The following EPHX3 variants were observed in gnomAD, a reference collection of about 807,000 sequenced individuals.
The protein encoded by EPHX3 is abhydrolase domain containing 9.
Under a neutral mutation model 40.2 loss-of-function variants are expected in EPHX3, and 39 were observed. That is an observed-to-expected ratio of 0.97 (90% CI 0.75 to 1.27). EPHX3 has a LOEUF of 1.27. EPHX3 is among the 50% of genes most tolerant of loss of function. The pLI, the probability that EPHX3 is intolerant of heterozygous loss-of-function variation, is 0.00. For missense variants in EPHX3, 442 were observed against 474.0 expected (o/e 0.93, Z 0.63); for synonymous variants, 213 against 209.7 (o/e 1.02, Z -0.14).
At chr19:15,231,926 C>A in intron 1 of EPHX3, 43 bp downstream of exon 1, 1 of 1,612,646 alleles carries the variant, frequency 6.2e-7, no homozygotes, top group Non-Finnish European at 8.5e-7. Flanking sequence ...CCGTCTCGAC[C>A]CCACGCGACC....
rs2047118578 is a variant in EPHX3 at position 15,227,273 on chromosome 19, G to A, written c.*164C>T. Reference sequence around the variant, plus strand: ...AGTATAGGGGTTGGTGTGTCCCGAGGCACCCATAGGTGCGCTTGTGTGGGA... The same window carrying A: ...AGTATAGGGGTTGGTGTGTCCCGAGACACCCATAGGTGCGCTTGTGTGGGA... On this transcript the variant is annotated 3_prime_UTR_variant, in exon 7 of 7. Transcript: ENST00000221730. 1 of 629,030 alleles carries A rather than the reference G, an allele frequency of 1.6e-6. No individual in the cohort carries two copies. The highest frequency in any genetic ancestry group is 2.8e-6 in the Non-Finnish European group (1 of 354,126). The allele number at this position is 629,030 out of a possible 1,614,324, so 39.0% of individuals were successfully genotyped here.
chr19:15,231,771 C>G lies in EPHX3; in HGVS notation c.329+5G>C, dbSNP rs757323249. On this transcript the variant is annotated splice_donor_5th_base_variant and intron_variant, in intron 2 of 6. Coordinates refer to ENST00000221730, the MANE Select transcript of EPHX3 (RefSeq NM_024794.3). ...TGGGCCTCAGGCCCCTGGCCCCAGACGTACCAGTTCTCAGGGAAGCCGTGC... is the reference window on the plus strand; with the variant it reads ...TGGGCCTCAGGCCCCTGGCCCCAGAGGTACCAGTTCTCAGGGAAGCCGTGC... The G allele has an allele frequency of 1.2e-6, 2 of 1,613,828 alleles. No homozygotes were observed. The highest frequency in any genetic ancestry group is 1.7e-6 in the Non-Finnish European group (2 of 1,179,966).
Position 15,232,245 on chromosome 19 carries a change from G to C in EPHX3, c.-34C>G, listed in dbSNP as rs776104614. On this transcript the variant is annotated 5_prime_UTR_variant, in exon 1 of 7. Transcript: ENST00000221730. ...GCTCCGGGACCACGGCGGCGCTGCC[G>C]GCCAGGGGCACCTGCAGCAGCGGCG... 1 of 1,453,296 alleles carries C rather than the reference G, an allele frequency of 6.9e-7. No individual in the cohort carries two copies. The highest frequency in any genetic ancestry group is 9.0e-7 in the Non-Finnish European group (1 of 1,115,214). 90.0% of individuals were successfully genotyped at this position (1,453,296 alleles called of 1,614,324 possible).
chr19:15,235,088 G>T (rs967760099), upstream of EPHX3, among the ~76,000 whole-genome samples: 4 of 147,798 alleles, frequency 2.7e-5, no homozygotes, highest in Non-Finnish European at 6.0e-5. Flanking sequence ...CGCAACCTCC[G>T]CCTCCAGTGT....
intron 1 of EPHX3, 35 bp from the exon 2 acceptor site, chr19:15,231,896 C>T: frequency 6.2e-7 from 1 of 1,613,006 alleles, no homozygotes; most frequent in Non-Finnish European, 8.5e-7. Flanking sequence ...CCTGGGGAAC[C>T]CTCTCTCCCG....
upstream of EPHX3, among the ~76,000 whole-genome samples, chr19:15,233,860 C>G (rs1290595380): frequency 6.6e-6 from 1 of 152,068 alleles, no homozygotes; most frequent in African/African-American, 2.4e-5. Context: ...GTCAGGAGAT[C>G]GAGACCATCC....
chr19:15,227,211 T>G lies in EPHX3; in HGVS notation c.*226A>C. 1.9e-6 allele frequency: 1 copy of G among 516,224 alleles called. No homozygotes were observed. The highest frequency in any genetic ancestry group is 3.5e-6 in the Non-Finnish European group (1 of 288,452). The allele number at this position is 516,224 out of a possible 1,614,324, so 32.0% of individuals were successfully genotyped here. A position where few individuals can be genotyped will look rare whatever the true frequency, so the allele number is the denominator to read the frequency against. On this transcript the variant is annotated 3_prime_UTR_variant, in exon 7 of 7. Transcript: ENST00000221730. ...GTATACCCAGTTCCCAGGGTCAAAG[T>G]GTTTGTTACACACACATGCATCCAT...
chr19:15,232,616 C>A (rs1188935013), upstream of EPHX3, among the ~76,000 whole-genome samples: 1 of 151,868 alleles, frequency 6.6e-6, no homozygotes, highest in Non-Finnish European at 1.5e-5. Flanking sequence ...GTGGCTCACG[C>A]CTGTAATCCC....
intron 4 of EPHX3, among the ~76,000 whole-genome samples, chr19:15,229,943 AAG>A (rs374160695): frequency 6.7e-5 from 10 of 149,352 alleles, no homozygotes; most frequent in Non-Finnish European, 7.4e-5. Context: ...AAAACAACAA[AAG>A]AGAGAGAGAG....
In EPHX3 at chr19:15,227,840, G is replaced by C. The variant is rs565064118; in HGVS notation, c.788C>G (p.Ala263Gly). The change falls in exon 6 of 7, where the codon GCC (alanine) becomes GGC (glycine). Residue 263 changes from alanine to glycine, a missense_variant. Coordinates refer to ENST00000221730, the MANE Select transcript of EPHX3 (RefSeq NM_024794.3). ...IPCLTPSELE[A>G]FLYNFSQPGG... is the part of the protein sequence containing the mutation. ...AGGCTGTGAGAAGTTATAAAGGAAGGCCTCGAGCTCGCTGGGGGTCAAGCA... is the reference window on the plus strand; with the variant it reads ...AGGCTGTGAGAAGTTATAAAGGAAGCCCTCGAGCTCGCTGGGGGTCAAGCA... The C allele has an allele frequency of 3.1e-6, 5 of 1,614,118 alleles. No individual in the cohort carries two copies. The South Asian group carries it at 5.5e-5, about 18-fold the overall frequency.
At chr19:15,230,669 T>TG (rs2047147204) in intron 4 of EPHX3, among the ~76,000 whole-genome samples, 1 of 151,226 alleles carries the variant, frequency 6.6e-6, no homozygotes, top group Non-Finnish European at 1.5e-5. Context: ...TTTTTTTTTT[T>TG]GTAGAGACAG....
At chr19:15,231,470 C>A (rs2047153926) in intron 2 of EPHX3, 74 bp from the exon 3 acceptor site, 2 of 1,533,884 alleles carry the variant, frequency 1.3e-6, no homozygotes, top group South Asian at 1.2e-5. Context: ...ACATCAGCAA[C>A]CATTGGCAAA....
chr19:15,228,075 C>A lies in EPHX3; in HGVS notation c.642G>T (p.Gln214His). ...YQDYSLHHIS[Q>H]FFRSHYMFLF... ...GGAACATGTAGTGGGAACGGAAGAA[C>A]TGGCTGATGTGGTGCAGGGAATAGT... Residue 214 changes from glutamine (Q) to histidine (H), a missense_variant, in exon 5 of 7, where the codon CAG (glutamine) becomes CAT (histidine). Coordinates refer to ENST00000221730, the MANE Select transcript of EPHX3 (RefSeq NM_024794.3). 1 of 1,183,286 alleles carries A rather than the reference C, an allele frequency of 8.5e-7. No individual in the cohort carries two copies. Among genetic ancestry groups the A allele is most frequent in the Non-Finnish European group, 1.2e-6 (1 of 859,342 alleles). 73.3% of individuals were successfully genotyped at this position (1,183,286 alleles called of 1,614,324 possible). A position where few individuals can be genotyped will look rare whatever the true frequency, so the allele number is the denominator to read the frequency against.
At chr19:15,233,591 G>C (rs2145487760), upstream of EPHX3, among the ~76,000 whole-genome samples, 1 of 152,378 alleles carries the variant, frequency 6.6e-6, no homozygotes, top group East Asian at 1.9e-4. Context: ...CAGGCTCCGA[G>C]AGCGGGCCGA....
At chr19:15,230,197 C>A (rs1424166458) in intron 4 of EPHX3, among the ~76,000 whole-genome samples, 2 of 152,020 alleles carry the variant, frequency 1.3e-5, no homozygotes, top group African/African-American at 4.8e-5. Flanking sequence ...GAGACAGAGT[C>A]TCACTCTGTC....
rs1399788198 is a variant in EPHX3 at position 15,227,848 on chromosome 19, C to T, written c.780G>A (p.Glu260=). 1.2e-6 allele frequency: 2 copies of T among 1,613,960 alleles called. No homozygotes were observed. Among genetic ancestry groups the T allele is most frequent in the Non-Finnish European group, 1.7e-6 (2 of 1,180,022 alleles). ...KTGIPCLTPS[E]LEAFLYNFSQ... ...AGAAGTTATAAAGGAAGGCCTCGAG[C>T]TCGCTGGGGGTCAAGCATGGGATGC... is the stretch of plus-strand genomic sequence containing the variant. Residue 260 remains glutamate (E), a synonymous_variant, in exon 6 of 7, where the codon GAG becomes GAA. Transcript: ENST00000221730.
At chr19:15,232,477 T>G, upstream of EPHX3, 4 of 1,279,550 alleles carry the variant, frequency 3.1e-6, no homozygotes, top group Admixed American at 4.3e-5. Context: ...AGGAAGAGGT[T>G]GGAAAGGGGG....
rs2047118560 is a variant in EPHX3, at chr19:15,227,272, G to C, written c.*165C>G. Reference sequence around the variant, plus strand: ...GAGTATAGGGGTTGGTGTGTCCCGAGGCACCCATAGGTGCGCTTGTGTGGG... The same window carrying C: ...GAGTATAGGGGTTGGTGTGTCCCGACGCACCCATAGGTGCGCTTGTGTGGG... On this transcript the variant is annotated 3_prime_UTR_variant, in exon 7 of 7. Transcript: ENST00000221730. 1.6e-6 allele frequency: 1 copy of C among 628,078 alleles called. No homozygotes were observed. Among genetic ancestry groups the C allele is most frequent in the Non-Finnish European group, 2.8e-6 (1 of 353,316 alleles). The allele number at this position is 628,078 out of a possible 1,614,324, so 38.9% of individuals were successfully genotyped here.
chr19:15,232,101 C>A lies in EPHX3; in HGVS notation c.111G>T (p.Ala37=), dbSNP rs754564064. 12 of 1,509,832 alleles carry A rather than the reference C, an allele frequency of 7.9e-6. No individual in the cohort carries two copies. The highest frequency in any genetic ancestry group is 1.1e-5 in the Non-Finnish European group (12 of 1,136,408). 93.5% of individuals were successfully genotyped at this position (1,509,832 alleles called of 1,614,324 possible). Residue 37 remains alanine (A), a synonymous_variant, in exon 1 of 7, where the codon GCG becomes GCT. Transcript: ENST00000221730. ...LVFSVALVAA[A]VYGCIALTHV... ...GCGTGAGCGCTATGCAGCCGTAGAC[C>A]GCCGCGGCCACCAGCGCCACCGAGA...
Sources: gnomAD v4.1 joint callset for allele counts (sites outside exome capture counted in the v4.1 genomes callset) on GRCh38, gnomAD v4.1.1 for gene constraint, MANE v1.5 for transcripts, NCBI Gene and HGNC (gene_info 2026-07-23, HGNC 2026-07-21) for gene names.